NXN: variants seen among roughly 807,000 people sequenced by gnomAD.
The protein encoded by NXN is nucleoredoxin.
Under a neutral mutation model 48.6 loss-of-function variants are expected in NXN, and 16 were observed. That is an observed-to-expected ratio of 0.33 (90% CI 0.22 to 0.50). NXN has a LOEUF of 0.50. Ranked by LOEUF, NXN falls within the 20% of genes least tolerant of loss-of-function variation. The probability of loss-of-function intolerance (pLI) is 0.98; values close to 1 mark genes in which losing one functional copy is unlikely to be tolerated. For missense variants in NXN, 492 were observed against 605.5 expected (o/e 0.81, Z 1.97); for synonymous variants, 281 against 269.6 (o/e 1.04, Z -0.41).
chr17:812,811 G>GGT (rs376539276), intron 5 of NXN, among the ~76,000 whole-genome samples: 3 of 146,094 alleles, frequency 2.1e-5, no homozygotes, highest in Non-Finnish European at 3.0e-5. Flanking sequence ...CGTGAGTGTA[G>GGT]GTGTGTGTGC....
In NXN at chr17:956,617, G is replaced by A. The variant is rs1285362880; in HGVS notation, c.360+22702C>T. On this transcript the variant is annotated intron_variant, in intron 1 of 7. Transcript: ENST00000336868. The surrounding 1 kb of genome is among the most constrained non-coding windows in gnomAD (Gnocchi z 4.1). ...TTTAGTAGCAATGGGGTTTCACCGT[G>A]TTAGCCAGGATGGTCTCGATCTCCA... Among the ~76,000 whole-genome samples, 1 of 152,056 alleles carries A rather than the reference G, an allele frequency of 6.6e-6. No homozygotes were observed. The highest frequency in any genetic ancestry group is 1.5e-5 in the Non-Finnish European group (1 of 68,014).
At chr17:962,241 A>AG (rs1204068590) in intron 1 of NXN, among the ~76,000 whole-genome samples, 1 of 152,214 alleles carries the variant, frequency 6.6e-6, no homozygotes, top group Non-Finnish European at 1.5e-5. Context: ...TCAAAGCAAT[A>AG]GATACATTCC....
intron 1 of NXN, among the ~76,000 whole-genome samples, chr17:851,026 G>A (rs755416771): frequency 2.0e-5 from 3 of 152,198 alleles, no homozygotes; most frequent in Non-Finnish European, 4.4e-5. Flanking sequence ...TGAGGCCTTC[G>A]GAACAGAAAC....
intron 1 of NXN, among the ~76,000 whole-genome samples, chr17:939,904 G>C (rs1003166549): frequency 6.6e-6 from 1 of 151,912 alleles, no homozygotes; most frequent in African/African-American, 2.4e-5. Flanking sequence ...CCCTGCAGTG[G>C]GGCAGGGAGA....
chr17:833,400 G>A (rs1439366610), intron 1 of NXN, among the ~76,000 whole-genome samples: 1 of 152,032 alleles, frequency 6.6e-6, no homozygotes, highest in African/African-American at 2.4e-5. Flanking sequence ...AAGTCATCCA[G>A]GAGTGACTTG....
rs542874610 is a variant in NXN, at chr17:816,552, C to A, written c.820+2887G>T. Among the ~76,000 whole-genome samples the A allele has an allele frequency of 2.6e-4, 39 of 152,172 alleles. No individual in the cohort carries two copies. The East Asian group carries it at 7.2e-3, about 28-fold the overall frequency. On this transcript the variant is annotated intron_variant, in intron 5 of 7. Coordinates refer to ENST00000336868, the MANE Select transcript of NXN (RefSeq NM_022463.5). ...GCATCCTTGGTCTTCTCTGGTCTCC[C>A]CGACGAGGCCAAATCTCCCTACCCC...
intron 1 of NXN, among the ~76,000 whole-genome samples, chr17:943,416 G>A (rs754883199): frequency 1.3e-5 from 2 of 152,126 alleles, no homozygotes; most frequent in Non-Finnish European, 2.9e-5. Flanking sequence ...CCCGAGTGAT[G>A]ACCTCAAGCA....
chr17:876,099 T>A (rs145583729), intron 1 of NXN, among the ~76,000 whole-genome samples: 1 of 151,582 alleles, frequency 6.6e-6, no homozygotes, highest in Non-Finnish European at 1.5e-5. Flanking sequence ...GAGAATCGCT[T>A]GAACCTGGGG....
chr17:911,786 G>A (rs1311666531), intron 1 of NXN, among the ~76,000 whole-genome samples: 1 of 145,620 alleles, frequency 6.9e-6, no homozygotes, highest in African/African-American at 2.6e-5. Flanking sequence ...TTTTTTTAAT[G>A]TCTAACCAAA....
At chr17:806,102 G>A (rs956581702) in intron 5 of NXN, among the ~76,000 whole-genome samples, 5 of 141,076 alleles carry the variant, frequency 3.5e-5, no homozygotes, top group Admixed American at 1.4e-4. Flanking sequence ...GAGGAGGACA[G>A]CTGACTGCAG....
intron 1 of NXN, among the ~76,000 whole-genome samples, chr17:835,770 GGAA>G (rs1913782654): frequency 1.7e-5 from 1 of 58,974 alleles, no homozygotes. Flanking sequence ...AGGCCGCAGG[GGAA>G]AAACACCGGT....
chr17:823,875 G>A, intron 2 of NXN, 110 bp from the exon 3 acceptor site: 1 of 1,110,354 alleles, frequency 9.0e-7, no homozygotes, highest in Admixed American at 2.3e-5. Flanking sequence ...GGACCCGGGA[G>A]ACCTCAGAGC....
intron 5 of NXN, among the ~76,000 whole-genome samples, chr17:811,218 C>A (rs1911979993): frequency 6.6e-6 from 1 of 152,180 alleles, no homozygotes; most frequent in South Asian, 2.1e-4. Context: ...CCGCCCGGCA[C>A]CTCTAGCTGC....
chr17:926,554 T>TG (rs200155641), intron 1 of NXN, among the ~76,000 whole-genome samples: 7,578 of 95,580 alleles, frequency 0.079, 242 homozygotes, highest in Admixed American at 0.096. Flanking sequence ...TGTTTTTTTG[T>TG]TTTTTTTTTG....
At chr17:829,550 C>T (rs965101178) in intron 1 of NXN, among the ~76,000 whole-genome samples, 10 of 151,480 alleles carry the variant, frequency 6.6e-5, no homozygotes, top group African/African-American at 1.9e-4. Flanking sequence ...GTTTGCTGCA[C>T]CCATCAACCT....
At chr17:913,745 T>A (rs1451474195) in intron 1 of NXN, among the ~76,000 whole-genome samples, 1 of 152,070 alleles carries the variant, frequency 6.6e-6, no homozygotes, top group Non-Finnish European at 1.5e-5. Flanking sequence ...CTTATCCTTG[T>A]AGTAAAAGAG....
chr17:800,706 C>A lies in NXN; in HGVS notation c.*243G>T. The stretch of plus-strand genomic sequence containing the variant: ...CGAAAGCCATGCAGCCCCGCTCTGG[C>A]CGGGCCCCCGGCCATCCCGTGCTCC... On this transcript the variant is annotated 3_prime_UTR_variant, in exon 8 of 8. Transcript: ENST00000336868. 2.9e-6 allele frequency: 1 copy of A among 350,188 alleles called. No individual in the cohort carries two copies. Among genetic ancestry groups the A allele is most frequent in the Non-Finnish European group, 5.1e-6 (1 of 194,702 alleles). The allele number at this position is 350,188 out of a possible 1,614,324, so 21.7% of individuals were successfully genotyped here.
intron 1 of NXN, among the ~76,000 whole-genome samples, chr17:911,573 C>T (rs2068636947): frequency 6.6e-6 from 1 of 151,968 alleles, no homozygotes; most frequent in African/African-American, 2.4e-5. Flanking sequence ...TTGTGATCCA[C>T]CCGTCTCAGC....
Position 799,805 on chromosome 17 carries a change from T to G in NXN, c.*1144A>C, listed in dbSNP as rs2144546737. ...GCGAGGCTTCTGGTAATTTCTCATC[T>G]TTGTAGTTCTGCTTTGAAAAGAAAA... On this transcript the variant is annotated 3_prime_UTR_variant, in exon 8 of 8. Coordinates refer to ENST00000336868, the MANE Select transcript of NXN (RefSeq NM_022463.5). The G allele has an allele frequency of 6.6e-6, 1 of 152,494 alleles. No individual in the cohort carries two copies. Among genetic ancestry groups the G allele is most frequent in the East Asian group, 1.9e-4 (1 of 5,182 alleles). The allele number at this position is 152,494 out of a possible 1,614,324, so 9.4% of individuals were successfully genotyped here.
Sources: allele counts gnomAD v4.1 joint callset (sites outside exome capture counted in the v4.1 genomes callset), GRCh38; gene constraint gnomAD v4.1.1; non-coding constraint Gnocchi (gnomAD v3.1); transcripts MANE v1.5; gene names NCBI Gene and HGNC (gene_info 2026-07-23, HGNC 2026-07-21).